ARGLU1: variants seen among roughly 807,000 people sequenced by gnomAD.
ARGLU1 encodes the protein arginine and glutamate-rich protein 1.
A neutral mutation model predicts 37.6 loss-of-function variants in ARGLU1; 9 were observed. The observed-to-expected ratio is 0.24, with a 90% CI of 0.14 to 0.42. ARGLU1 has a LOEUF of 0.42. Among genes scored for constraint, ARGLU1 ranks in the 10% least tolerant of loss-of-function variants. The pLI is 1.00. For synonymous variants in ARGLU1, 166 were observed against 138.5 expected (o/e 1.20, Z -1.39); for missense variants, 211 against 359.2 (o/e 0.59, Z 3.34).
chr13:106,565,845 T>C (rs2138978322), intron 1 of ARGLU1, among the ~76,000 whole-genome samples: 1 of 152,346 alleles, frequency 6.6e-6, no homozygotes, highest in African/African-American at 2.4e-5. Context: ...GCTCCTCTAT[T>C]TGCCGTATTT....
At position 106,567,753 on chromosome 13, in the gene ARGLU1, G is replaced by T; in HGVS notation, c.167C>A (p.Ser56Tyr). 6.5e-7 allele frequency: 1 copy of T among 1,538,724 alleles called. No individual in the cohort carries two copies. Among genetic ancestry groups the T allele is most frequent in the South Asian group, 1.1e-5 (1 of 89,792 alleles). ...SKRNRRRESR[S>Y]RSRSTNTAVS... Reference sequence around the variant, plus strand: ...GGCCGTGTTGGTGGAGCGCGAACGGGACCGCGACTCCCGCCGCCGGTTCCG... The same window carrying T: ...GGCCGTGTTGGTGGAGCGCGAACGGTACCGCGACTCCCGCCGCCGGTTCCG... Residue 56 changes from serine (S) to tyrosine (Y), a missense_variant, in exon 1 of 4, where the codon TCC (serine) becomes TAC (tyrosine). This residue lies in a region of ARGLU1 where 130 missense variants were observed against 179.8 expected (regional missense o/e 0.72). Coordinates refer to ENST00000400198, the MANE Select transcript of ARGLU1 (RefSeq NM_018011.4). This position sits in a 1 kb window ranked among gnomAD's most constrained non-coding sequence, Gnocchi z 4.3.
Position 106,567,483 on chromosome 13 carries a change from CCCGGCCCGCA to C in ARGLU1, c.347+80_347+89del. On this transcript the variant is annotated intron_variant, in intron 1 of 3. Transcript: ENST00000400198. The surrounding 1 kb of genome is among the most constrained non-coding windows in gnomAD (Gnocchi z 4.3). ...AGCCCCGGACCGTCCCCGCCATTCT[CCCGGCCCGCA>C]CCGTCCCGCCCCGGCCCCACGCCCT... 1.1e-6 allele frequency: 1 copy of C among 940,826 alleles called. No individual in the cohort carries two copies. Among genetic ancestry groups the C allele is most frequent in the Non-Finnish European group, 1.6e-6 (1 of 632,504 alleles). 58.3% of individuals were successfully genotyped at this position (940,826 alleles called of 1,614,324 possible).
At chr13:106,560,762 T>A (rs1880779140) in intron 1 of ARGLU1, among the ~76,000 whole-genome samples, 1 of 152,224 alleles carries the variant, frequency 6.6e-6, no homozygotes, top group Admixed American at 6.5e-5. Flanking sequence ...CGATTCATGT[T>A]CCAACTTTCT....
chr13:106,553,186 A>G (rs1057273495), intron 3 of ARGLU1, among the ~76,000 whole-genome samples: 4 of 152,226 alleles, frequency 2.6e-5, no homozygotes, highest in Admixed American at 6.5e-5. Flanking sequence ...CCAATTAAGG[A>G]TAACTATTTT....
chr13:106,558,172 A>T, intron 2 of ARGLU1: 1 of 985,280 alleles, frequency 1.0e-6, no homozygotes, highest in Non-Finnish European at 1.2e-6. Context: ...AGAGAAAAAA[A>T]TCTTACTATG....
chr13:106,543,511 C>T lies in ARGLU1; in HGVS notation c.*485G>A, dbSNP rs1381080635. 6.5e-6 allele frequency: 1 copy of T among 152,942 alleles called. No homozygotes were observed. The highest frequency in any genetic ancestry group is 2.4e-5 in the African/African-American group (1 of 41,430). 9.5% of individuals were successfully genotyped at this position (152,942 alleles called of 1,614,324 possible). ...TCAGGAACATCAAGAGCAACAGTAT[C>T]ACAAGGACACTGGTTTAACAATACA... is the stretch of plus-strand genomic sequence containing the variant. On this transcript the variant is annotated 3_prime_UTR_variant, in exon 4 of 4. Coordinates refer to ENST00000400198, the MANE Select transcript of ARGLU1 (RefSeq NM_018011.4).
chr13:106,549,780 C>T lies in ARGLU1; in HGVS notation c.658-5620G>A, dbSNP rs557551331. Among the ~76,000 whole-genome samples, 25 of 152,218 alleles carry T rather than the reference C, an allele frequency of 1.6e-4. No individual in the cohort carries two copies. In the South Asian group the frequency reaches 5.0e-3, roughly 30 times the overall value. ...GAAACTTCAACCTTAGATAATATCTCCATGGATTCCATGTTACCTGAAGTG... is the reference window on the plus strand; with the variant it reads ...GAAACTTCAACCTTAGATAATATCTTCATGGATTCCATGTTACCTGAAGTG... On this transcript the variant is annotated intron_variant, in intron 3 of 3. Transcript: ENST00000400198.
At chr13:106,560,223 G>A (rs541178438) in intron 1 of ARGLU1, among the ~76,000 whole-genome samples, 34 of 152,248 alleles carry the variant, frequency 2.2e-4, no homozygotes, top group Admixed American at 2.0e-3. Flanking sequence ...TAGCTTTATA[G>A]TTCCTTACTA....
intron 3 of ARGLU1, among the ~76,000 whole-genome samples, chr13:106,547,378 T>G (rs973097796): frequency 1.1e-4 from 17 of 152,132 alleles, no homozygotes; most frequent in Admixed American, 1.0e-3. Flanking sequence ...ATGTGCAAAT[T>G]TTGCACCCAT....
In ARGLU1 at chr13:106,543,327, T is replaced by C. The variant is rs1383805488; in HGVS notation, c.*669A>G. On this transcript the variant is annotated 3_prime_UTR_variant, in exon 4 of 4. Transcript: ENST00000400198. ...CATTAAAAAAAATTGCTTCAACATA[T>C]GAATTTAAGACTTTACTTTATTCAG... is the stretch of plus-strand genomic sequence containing the variant. The C allele has an allele frequency of 2.0e-5, 3 of 152,572 alleles. No homozygotes were observed. The highest frequency in any genetic ancestry group is 1.9e-4 in the East Asian group (1 of 5,196). The allele number at this position is 152,572 out of a possible 1,614,324, so 9.5% of individuals were successfully genotyped here.
At position 106,567,652 on chromosome 13, in the gene ARGLU1, T is replaced by A; in HGVS notation, c.268A>T (p.Ser90Cys). Residue 90 changes from serine (S) to cysteine (C), a missense_variant, in exon 1 of 4, where the codon AGC becomes TGC. By Grantham distance (112) the Ser-to-Cys change is moderately radical. Transcript: ENST00000400198. The surrounding 1 kb of genome is among the most constrained non-coding windows in gnomAD (Gnocchi z 4.3). ...TTCTCGTCCAGGCTGCTGCGCTTGC[T>A]CACCGTGCGCCCGAAGATGTCGATG... ...DRIDIFGRTVSKRSSLDEKQK... is the reference protein window; with the variant it reads ...DRIDIFGRTVCKRSSLDEKQK... 1 of 1,613,100 alleles carries A rather than the reference T, an allele frequency of 6.2e-7. No homozygotes were observed. The highest frequency in any genetic ancestry group is 8.5e-7 in the Non-Finnish European group (1 of 1,179,568).
chr13:106,559,725 G>C, intron 1 of ARGLU1, 68 bp from the exon 2 acceptor site: 1 of 1,493,232 alleles, frequency 6.7e-7, no homozygotes, highest in Non-Finnish European at 9.0e-7. Context: ...AACAAAACTA[G>C]TTTTAAGTCT....
chr13:106,553,417 T>C (rs909669352), intron 3 of ARGLU1, among the ~76,000 whole-genome samples: 1 of 152,206 alleles, frequency 6.6e-6, no homozygotes, highest in African/African-American at 2.4e-5. Context: ...AGAGTATCTT[T>C]GTACATAAAT....
chr13:106,550,829 CTG>C (rs1880514347), intron 3 of ARGLU1, among the ~76,000 whole-genome samples: 1 of 152,338 alleles, frequency 6.6e-6, no homozygotes, highest in South Asian at 2.1e-4. Context: ...CCTCAAATCT[CTG>C]TGTTTGTTTT....
Position 106,557,087 on chromosome 13 carries a change from T to G in ARGLU1, c.618A>C (p.Glu206Asp). The change falls in exon 3 of 4, where the codon GAA (glutamate) becomes GAC (aspartate). Residue 206 changes from glutamate (E) to aspartate (D), a missense_variant. Glu to Asp is a conservative substitution (Grantham distance 45, BLOSUM62 2). This residue lies in a region of ARGLU1 where 80 missense variants were observed against 158.4 expected (regional missense o/e 0.51). Coordinates refer to ENST00000400198, the MANE Select transcript of ARGLU1 (RefSeq NM_018011.4). The surrounding 1 kb of genome is among the most constrained non-coding windows in gnomAD (Gnocchi z 5.0). ...AKREELERILEENNRKIAEAQ... is the reference protein window; with the variant it reads ...AKREELERILDENNRKIAEAQ... Reference sequence around the variant, plus strand: ...CTTCTGCAATTTTTCGGTTATTCTCTTCCAGTATTCGCTCTAGCTCCTCAC... The same window carrying G: ...CTTCTGCAATTTTTCGGTTATTCTCGTCCAGTATTCGCTCTAGCTCCTCAC... 6.2e-7 allele frequency: 1 copy of G among 1,614,096 alleles called. No homozygotes were observed. The highest frequency in any genetic ancestry group is 8.5e-7 in the Non-Finnish European group (1 of 1,179,956).
intron 3 of ARGLU1, among the ~76,000 whole-genome samples, chr13:106,548,522 G>A (rs1055791579): frequency 1.7e-4 from 26 of 152,120 alleles, no homozygotes. Context: ...GTAGTGGACA[G>A]CTTGGAGGCC....
At chr13:106,546,540 C>T (rs900917804) in intron 3 of ARGLU1, among the ~76,000 whole-genome samples, 1 of 152,180 alleles carries the variant, frequency 6.6e-6, no homozygotes, top group African/African-American at 2.4e-5. Flanking sequence ...TGCCTGCTAT[C>T]GGTCATCATT....
rs781670909 is a variant in ARGLU1, at chr13:106,559,606, T to C, written c.399A>G (p.Arg133=). The change falls in exon 2 of 4, where the codon AGA becomes AGG. Residue 133 remains arginine (R), a synonymous_variant. Coordinates refer to ENST00000400198, the MANE Select transcript of ARGLU1 (RefSeq NM_018011.4). Reference sequence around the variant, plus strand: ...CCCTTTTTGCTACCAATTCTTCTACTCTTCGTGCTGTTTCTTCCTCGATGA... The same window carrying C: ...CCCTTTTTGCTACCAATTCTTCTACCCTTCGTGCTGTTTCTTCCTCGATGA... ...EKLIEEETAR[R]VEELVAKRVE... is the part of the protein sequence containing the mutation. The C allele has an allele frequency of 2.5e-6, 4 of 1,614,070 alleles. No individual in the cohort carries two copies. In the East Asian group the frequency reaches 6.7e-5, roughly 27 times the overall value.
intron 3 of ARGLU1, among the ~76,000 whole-genome samples, chr13:106,544,605 G>C (rs1385516414): frequency 2.6e-5 from 4 of 152,050 alleles, no homozygotes; most frequent in Admixed American, 6.6e-5. Flanking sequence ...CATTGTACCA[G>C]ATTAATAGAT....
Sources: allele counts gnomAD v4.1 joint callset (sites outside exome capture counted in the v4.1 genomes callset), GRCh38; gene constraint gnomAD v4.1.1; regional missense constraint gnomAD v4.1.1; non-coding constraint Gnocchi (gnomAD v3.1); transcripts MANE v1.5; gene names NCBI Gene and HGNC (gene_info 2026-07-23, HGNC 2026-07-21).